The following SULF1 variants were observed in gnomAD, a reference collection of about 807,000 sequenced individuals.
SULF1 encodes sulfatase 1, also known as extracellular sulfatase Sulf-1.
Under a neutral mutation model 110.5 loss-of-function variants are expected in SULF1, and 46 were observed. The observed-to-expected ratio is 0.42, with a 90% CI of 0.33 to 0.53. SULF1 has a LOEUF of 0.53. Among genes scored for constraint, SULF1 ranks in the 20% least tolerant of loss-of-function variants. The pLI is 0.12. For missense variants in SULF1, 941 were observed against 1,094.2 expected (o/e 0.86, Z 1.98); for synonymous variants, 371 against 387.1 (o/e 0.96, Z 0.49).
At chr8:69,557,225 T>C (rs1815175256) in intron 3 of SULF1, among the ~76,000 whole-genome samples, 2 of 152,188 alleles carry the variant, frequency 1.3e-5, no homozygotes, top group African/African-American at 2.4e-5. Flanking sequence ...ACTGCCACCA[T>C]TGAAACCATT....
At chr8:69,491,242 A>G (rs77263032), upstream of SULF1, among the ~76,000 whole-genome samples, 466 of 152,350 alleles carry the variant, frequency 3.1e-3, 4 homozygotes, top group African/African-American at 0.011. Context: ...ATACAAAGCC[A>G]CAAGAAATTC....
chr8:69,489,192 T>C (rs1210469553), upstream of SULF1, among the ~76,000 whole-genome samples: 2 of 152,206 alleles, frequency 1.3e-5, no homozygotes, highest in African/African-American at 4.8e-5. Flanking sequence ...GAGACTCATG[T>C]TCCCTTGACC....
chr8:69,530,316 T>C (rs540836727), intron 3 of SULF1, among the ~76,000 whole-genome samples: 2 of 152,278 alleles, frequency 1.3e-5, no homozygotes, highest in East Asian at 1.9e-4. Flanking sequence ...CATTCAGTTA[T>C]CTGAAAAATA....
chr8:69,543,876 C>A (rs1814037271), intron 3 of SULF1, among the ~76,000 whole-genome samples: 1 of 152,196 alleles, frequency 6.6e-6, no homozygotes, highest in African/African-American at 2.4e-5. Context: ...CTCAGGATGG[C>A]TGGGCAGTTC....
At chr8:69,614,475 A>C (rs757345842) in intron 13 of SULF1, among the ~76,000 whole-genome samples, 1 of 152,264 alleles carries the variant, frequency 6.6e-6, no homozygotes, top group African/African-American at 2.4e-5. Context: ...GCAAGAGTTA[A>C]ATAAATGATC....
At chr8:69,649,371 C>CA (rs908840759) in intron 22 of SULF1, among the ~76,000 whole-genome samples, 3 of 152,064 alleles carry the variant, frequency 2.0e-5, no homozygotes, top group African/African-American at 7.2e-5. Flanking sequence ...TTCCGTAGAA[C>CA]AAAAACATTC....
intron 3 of SULF1, among the ~76,000 whole-genome samples, chr8:69,510,042 AT>A (rs931476614): frequency 1.3e-5 from 2 of 152,008 alleles, no homozygotes; most frequent in Non-Finnish European, 2.9e-5. Flanking sequence ...AAAAACATTG[AT>A]TTTTTTTCTC....
intron 3 of SULF1, among the ~76,000 whole-genome samples, chr8:69,513,257 T>G (rs1005235878): frequency 3.3e-5 from 5 of 152,328 alleles, no homozygotes; most frequent in African/African-American, 1.2e-4. Flanking sequence ...ATTTTTAAGA[T>G]CACCTACATA....
At chr8:69,574,888 A>G (rs1805492835) in intron 5 of SULF1, among the ~76,000 whole-genome samples, 1 of 152,198 alleles carries the variant, frequency 6.6e-6, no homozygotes, top group African/African-American at 2.4e-5. Context: ...AAGCTAGTAT[A>G]TGAAGACACG....
At chr8:69,533,950 T>A (rs16936022) in intron 3 of SULF1, among the ~76,000 whole-genome samples, 2 of 152,050 alleles carry the variant, frequency 1.3e-5, no homozygotes, top group African/African-American at 2.4e-5. Context: ...AGAAAAAAAA[T>A]TTGCAATGTT....
intron 1 of SULF1, among the ~76,000 whole-genome samples, chr8:69,482,565 A>G (rs1053158957): frequency 3.3e-5 from 5 of 151,946 alleles, no homozygotes; most frequent in African/African-American, 1.2e-4. Context: ...ATATAATTTT[A>G]TAAAATCTCT....
At chr8:69,578,669 T>G (rs1805815499) in intron 6 of SULF1, among the ~76,000 whole-genome samples, 1 of 152,046 alleles carries the variant, frequency 6.6e-6, no homozygotes, top group Admixed American at 6.5e-5. Flanking sequence ...GACTGTCACT[T>G]TTTTGTGCAG....
intron 5 of SULF1, among the ~76,000 whole-genome samples, chr8:69,567,817 C>T (rs551387013): frequency 5.9e-5 from 9 of 152,226 alleles, no homozygotes; most frequent in South Asian, 4.1e-4. Flanking sequence ...AAGAGCTCTT[C>T]GAGACCTTGC....
At chr8:69,648,601 G>C (rs544032788) in intron 22 of SULF1, among the ~76,000 whole-genome samples, 4 of 152,336 alleles carry the variant, frequency 2.6e-5, no homozygotes, top group South Asian at 4.1e-4. Context: ...ACTGAGGAAG[G>C]AGAGAGCCTG....
intron 3 of SULF1, among the ~76,000 whole-genome samples, chr8:69,520,710 A>G (rs548419772): frequency 1.4e-3 from 214 of 152,306 alleles, no homozygotes; most frequent in African/African-American, 4.6e-3. Flanking sequence ...AGGCTTTGCC[A>G]AAGCCTTAGG....
intron 15 of SULF1, 72 bp from the exon 16 acceptor site, chr8:69,627,138 T>C: frequency 8.5e-7 from 1 of 1,177,652 alleles, no homozygotes; most frequent in East Asian, 2.4e-5. Context: ...TTAAAATTTC[T>C]CTTTGTTATC....
At chr8:69,547,863 A>G (rs1046696750) in intron 3 of SULF1, among the ~76,000 whole-genome samples, 1 of 152,190 alleles carries the variant, frequency 6.6e-6, no homozygotes, top group African/African-American at 2.4e-5. Context: ...AATAAATGGA[A>G]TTGAACAAAT....
At chr8:69,561,245 T>C (rs1482570019) in intron 3 of SULF1, among the ~76,000 whole-genome samples, 3 of 152,106 alleles carry the variant, frequency 2.0e-5, no homozygotes, top group Non-Finnish European at 4.4e-5. Flanking sequence ...TGTAAATATA[T>C]ACAATTATCA....
chr8:69,637,041 G>A (rs1811091159), intron 19 of SULF1, among the ~76,000 whole-genome samples: 2 of 152,098 alleles, frequency 1.3e-5, no homozygotes, highest in Non-Finnish European at 2.9e-5. Context: ...GAAATGGTTC[G>A]TTGTTGTTGC....
Sources: gnomAD v4.1 joint callset for allele counts (sites outside exome capture counted in the v4.1 genomes callset) on GRCh38, gnomAD v4.1.1 for gene constraint, MANE v1.5 for transcripts, NCBI Gene and HGNC (gene_info 2026-07-23, HGNC 2026-07-21) for gene names.